The following HSPA4 variants were observed in gnomAD, a reference collection of about 807,000 sequenced individuals.
HSPA4 encodes heat shock 70 kDa protein 4.
Under a neutral mutation model 106.2 loss-of-function variants are expected in HSPA4, and 25 were observed. That is an observed-to-expected ratio of 0.24 (90% CI 0.17 to 0.33). The LOEUF is 0.33. Among genes scored for constraint, HSPA4 ranks in the 10% least tolerant of loss-of-function variants. The probability of loss-of-function intolerance (pLI) is 1.00; values close to 1 mark genes in which losing one functional copy is unlikely to be tolerated. For synonymous variants in HSPA4, 332 were observed against 333.6 expected (o/e 1.00, Z 0.05); for missense variants, 841 against 996.0 (o/e 0.84, Z 2.10).
intron 4 of HSPA4, among the ~76,000 whole-genome samples, chr5:133,072,661 C>T (rs1435843660): frequency 6.6e-6 from 1 of 151,612 alleles, no homozygotes; most frequent in Admixed American, 6.6e-5. Flanking sequence ...CCCACCACGG[C>T]CCCCCAAAGT....
At chr5:133,071,603 A>G (rs933008047) in intron 4 of HSPA4, among the ~76,000 whole-genome samples, 9 of 152,184 alleles carry the variant, frequency 5.9e-5, no homozygotes, top group African/African-American at 2.2e-4. Flanking sequence ...TGGCTTTGCC[A>G]CCGAATCTCC....
At chr5:133,064,944 A>G (rs761555302) in intron 1 of HSPA4, 36 bp from the exon 2 acceptor site, 1 of 1,566,334 alleles carries the variant, frequency 6.4e-7, no homozygotes, top group Middle Eastern at 1.9e-4. Flanking sequence ...TTATTGTAGT[A>G]AGATTTAATT....
At chr5:133,073,944 T>A (rs770732054) in intron 5 of HSPA4, 49 bp from the exon 6 acceptor site, 1 of 1,362,014 alleles carries the variant, frequency 7.3e-7, no homozygotes, top group Admixed American at 2.7e-5. Flanking sequence ...TTAAATGAAT[T>A]TTATTTACTT....
chr5:133,090,653 G>T (rs897153281), intron 11 of HSPA4, among the ~76,000 whole-genome samples: 9 of 152,156 alleles, frequency 5.9e-5, no homozygotes, highest in African/African-American at 2.2e-4. Context: ...ATCCTGAATG[G>T]CATTTAGAAG....
chr5:133,058,073 A>T (rs1765189904), intron 1 of HSPA4, among the ~76,000 whole-genome samples: 1 of 152,214 alleles, frequency 6.6e-6, no homozygotes, highest in East Asian at 1.9e-4. Context: ...AAGGATTCAG[A>T]TAGTTTGAGT....
At chr5:133,097,952 T>TC (rs1765735797) in intron 15 of HSPA4, among the ~76,000 whole-genome samples, 2 of 150,730 alleles carry the variant, frequency 1.3e-5, no homozygotes, top group Non-Finnish European at 3.0e-5. Flanking sequence ...TGGGTACAGG[T>TC]GGTTTTTGGT....
In HSPA4 at chr5:133,073,284, A is replaced by G. The variant is rs1248880766; in HGVS notation, c.484A>G (p.Ile162Val). 7 of 1,612,690 alleles carry G rather than the reference A, an allele frequency of 4.3e-6. No individual in the cohort carries two copies. The African/African-American group carries it at 6.7e-5, about 15-fold the overall frequency. Reference protein sequence around the residue: ...ERRSVMDATQIAGLNCLRLMN... With the variant: ...ERRSVMDATQVAGLNCLRLMN... ...ACGATCAGTGATGGATGCAACACAG[A>G]TTGCTGGTCTTAATTGCTTGCGATT... is the stretch of plus-strand genomic sequence containing the variant. The change falls in exon 5 of 19, where the codon ATT becomes GTT. Residue 162 changes from isoleucine to valine, a missense_variant. Physicochemically the swap from Ile to Val is conservative, Grantham distance 29 (BLOSUM62 3). This residue lies in a region of HSPA4 where 347 missense variants were observed against 408.7 expected (regional missense o/e 0.85). Transcript: ENST00000304858.
chr5:133,078,334 G>GA (rs1415623194), intron 7 of HSPA4, among the ~76,000 whole-genome samples: 106 of 135,602 alleles, frequency 7.8e-4, no homozygotes, highest in African/African-American at 8.1e-4. Context: ...CGTCTCAAAA[G>GA]AAAAAAAAAA....
In HSPA4 at chr5:133,104,587, C is replaced by A; in HGVS notation, c.*151C>A. The stretch of plus-strand genomic sequence containing the variant: ...GAGGGGAAATAGGTAATGTATGGAG[C>A]ATTTTCACTTCTAAATAGTTAGATA... On this transcript the variant is annotated 3_prime_UTR_variant, in exon 19 of 19. Transcript: ENST00000304858. 1.6e-6 allele frequency: 1 copy of A among 643,786 alleles called. No individual in the cohort carries two copies. The highest frequency in any genetic ancestry group is 2.7e-6 in the Non-Finnish European group (1 of 370,306). 39.9% of individuals were successfully genotyped at this position (643,786 alleles called of 1,614,324 possible).
rs780232383 is a variant in HSPA4, at chr5:133,104,389, G to A, written c.2476G>A (p.Val826Met). ...QAAEQGTDTA[V>M]PSDSDKKLPE... ...TGCTGAGCAGGGTACAGACACAGCT[G>A]TGCCTTCGGATTCAGACAAGAAGCT... Residue 826 changes from valine (V) to methionine (M), a missense_variant, in exon 19 of 19, where the codon GTG (valine) becomes ATG (methionine). By Grantham distance (21) the Val-to-Met change is conservative. Coordinates refer to ENST00000304858, the MANE Select transcript of HSPA4 (RefSeq NM_002154.4). 5.0e-6 allele frequency: 8 copies of A among 1,614,198 alleles called. No homozygotes were observed. The Middle Eastern group carries it at 4.9e-4, about 100-fold the overall frequency.
In HSPA4 at chr5:133,096,194, A is replaced by T. The variant is rs765954524; in HGVS notation, c.1747A>T (p.Asn583Tyr). 1.1e-5 allele frequency: 17 copies of T among 1,613,892 alleles called. 1 individual carries two copies. The South Asian group carries it at 1.9e-4, about 18-fold the overall frequency. ...CAGTACTGTGGACCTGCCAATCGAG[A>T]ATCAGCTATTATGGCAGATAGACAG... Reference protein sequence around the residue: ...KTSTVDLPIENQLLWQIDREM... With the variant: ...KTSTVDLPIEYQLLWQIDREM... Residue 583 changes from asparagine to tyrosine, a missense_variant, in exon 14 of 19, where the codon AAT (asparagine) becomes TAT (tyrosine). Physicochemically the swap from Asn to Tyr is moderately radical, Grantham distance 143. Transcript: ENST00000304858.
At chr5:133,079,206 ACAGGGTTGTGCAAT>A (rs1460521168) in intron 7 of HSPA4, among the ~76,000 whole-genome samples, 56 of 152,366 alleles carry the variant, frequency 3.7e-4, no homozygotes, top group African/African-American at 1.3e-3. Flanking sequence ...TAGTAAATTC[ACAGGGTTGTGCAAT>A]GGCCACCTCT....
intron 2 of HSPA4, among the ~76,000 whole-genome samples, chr5:133,065,414 G>GGGC (rs1765295013): frequency 6.6e-6 from 1 of 152,190 alleles, no homozygotes; most frequent in African/African-American, 2.4e-5. Context: ...CCAATACTAT[G>GGGC]TCATTTTGTC....
chr5:133,057,301 T>C (rs952685024), intron 1 of HSPA4, among the ~76,000 whole-genome samples: 2 of 152,196 alleles, frequency 1.3e-5, no homozygotes, highest in African/African-American at 4.8e-5. Context: ...TCTCCTATTG[T>C]TGAAGAAAGT....
At chr5:133,075,162 C>T (rs182471551) in intron 6 of HSPA4, among the ~76,000 whole-genome samples, 1 of 151,962 alleles carries the variant, frequency 6.6e-6, no homozygotes, top group Non-Finnish European at 1.5e-5. Flanking sequence ...AAAAAGAAAG[C>T]GAGTCTTTTA....
At chr5:133,085,108 C>T (rs1334133021) in intron 7 of HSPA4, among the ~76,000 whole-genome samples, 6 of 151,968 alleles carry the variant, frequency 3.9e-5, no homozygotes, top group Non-Finnish European at 7.4e-5. Flanking sequence ...AGAAGTCACC[C>T]TTTTAACGTG....
At chr5:133,093,666 T>A (rs1249416138) in intron 13 of HSPA4, among the ~76,000 whole-genome samples, 1 of 152,066 alleles carries the variant, frequency 6.6e-6, no homozygotes, top group South Asian at 2.1e-4. Context: ...AATTTCTGTA[T>A]TTTTAGTAGA....
intron 11 of HSPA4, among the ~76,000 whole-genome samples, chr5:133,090,453 AAAG>A: frequency 6.6e-6 from 1 of 150,710 alleles, no homozygotes. Context: ...AAAAAAAAAA[AAAG>A]GATGTATATA....
intron 6 of HSPA4, among the ~76,000 whole-genome samples, chr5:133,074,712 A>T (rs1268918439): frequency 6.6e-6 from 1 of 152,220 alleles, no homozygotes; most frequent in East Asian, 1.9e-4. Flanking sequence ...GCCAAAACAA[A>T]CTGGACTAGG....
Sources: allele counts gnomAD v4.1 joint callset (sites outside exome capture counted in the v4.1 genomes callset), GRCh38; gene constraint gnomAD v4.1.1; regional missense constraint gnomAD v4.1.1; transcripts MANE v1.5; gene names NCBI Gene and HGNC (gene_info 2026-07-23, HGNC 2026-07-21).